The following OSBPL3 variants were observed in gnomAD, a reference collection of about 807,000 sequenced individuals.
The protein encoded by OSBPL3 is oxysterol binding protein like 3, also known as oxysterol-binding protein-related protein 3.
OSBPL3 carries 65 observed loss-of-function variants against 120.1 expected under a neutral mutation model. That is an observed-to-expected ratio of 0.54 (90% CI 0.44 to 0.67). The LOEUF (loss-of-function observed/expected upper bound fraction) is 0.67. Ranked by LOEUF, OSBPL3 falls within the 30% of genes least tolerant of loss-of-function variation. OSBPL3 has a pLI of 0.00. For synonymous variants in OSBPL3, 416 were observed against 402.6 expected, an observed-to-expected ratio of 1.03 and a Z score of -0.40; for missense variants, 1,004 against 1,082.1, an observed-to-expected ratio of 0.93 and a Z score of 1.01.
chr7:24,928,035 G>A (rs1584646952), intron 1 of OSBPL3, among the ~76,000 whole-genome samples: 1 of 151,978 alleles, frequency 6.6e-6, no homozygotes, highest in Non-Finnish European at 1.5e-5. Context: ...GTTCAAAAGT[G>A]TGTAGCACCT....
intron 2 of OSBPL3, among the ~76,000 whole-genome samples, chr7:24,874,375 A>G (rs1396100995): frequency 6.6e-6 from 1 of 152,232 alleles, no homozygotes; most frequent in African/African-American, 2.4e-5. Flanking sequence ...GAGCACTAAT[A>G]CTAAATAATC....
chr7:24,919,337 T>C (rs1354697976), intron 1 of OSBPL3, among the ~76,000 whole-genome samples: 2 of 152,094 alleles, frequency 1.3e-5, no homozygotes, highest in Non-Finnish European at 1.5e-5. Context: ...AGATTGAGAA[T>C]GTAGACATTA....
rs1812002262 is a variant in OSBPL3 at position 24,933,211 on chromosome 7, C to T, written c.-149-40590G>A. 6.6e-6 allele frequency among the ~76,000 whole-genome samples: 1 copy of T among 152,150 alleles called. No homozygotes were observed. The highest frequency in any genetic ancestry group is 1.5e-5 in the Non-Finnish European group (1 of 68,032). On this transcript the variant is annotated intron_variant, in intron 1 of 22. Transcript: ENST00000313367. This position sits in a 1 kb window ranked among gnomAD's most constrained non-coding sequence, Gnocchi z 5.1. The stretch of plus-strand genomic sequence containing the variant: ...AAGAGGACAGGGACATTCAATTACA[C>T]GTGTTCAAAGGAGAAAAGATCATGA...
At chr7:24,974,489 T>G (rs12530817) in intron 1 of OSBPL3, among the ~76,000 whole-genome samples, 35,724 of 152,162 alleles carry the variant, frequency 0.23, 5,160 homozygotes, top group Non-Finnish European at 0.34. Flanking sequence ...ATCTATCTTG[T>G]GCCAGGTTCT....
intron 1 of OSBPL3, among the ~76,000 whole-genome samples, chr7:24,945,245 A>G (rs1250596706): frequency 1.3e-5 from 2 of 152,132 alleles, no homozygotes; most frequent in African/African-American, 4.8e-5. Context: ...ATCTCCATTT[A>G]ATTCATTCAT....
intron 15 of OSBPL3, among the ~76,000 whole-genome samples, chr7:24,832,353 T>C (rs867408195): frequency 1.4e-5 from 2 of 146,792 alleles, no homozygotes; most frequent in Admixed American, 1.4e-4. Flanking sequence ...CTACTAAAAA[T>C]ACAAAAATTA....
At chr7:24,969,486 A>G (rs186199717) in intron 1 of OSBPL3, among the ~76,000 whole-genome samples, 5 of 152,354 alleles carry the variant, frequency 3.3e-5, no homozygotes, top group Non-Finnish European at 7.3e-5. Flanking sequence ...CAATAAATCA[A>G]TCTTTTATTT....
chr7:24,900,447 G>C lies in OSBPL3; in HGVS notation c.-149-7826C>G, dbSNP rs960012453. 8.5e-5 allele frequency among the ~76,000 whole-genome samples: 13 copies of C among 152,196 alleles called. No individual in the cohort carries two copies. The highest frequency in any genetic ancestry group is 2.1e-4 in the South Asian group (1 of 4,826). ...CTTCGTATATATCGTTTCACTTGAAGTCACAGTTTCCAAGAACTTATCAAT... is the reference window on the plus strand; with the variant it reads ...CTTCGTATATATCGTTTCACTTGAACTCACAGTTTCCAAGAACTTATCAAT... On this transcript the variant is annotated intron_variant, in intron 1 of 22. Coordinates refer to ENST00000313367, the MANE Select transcript of OSBPL3 (RefSeq NM_015550.4). This position sits in a 1 kb window ranked among gnomAD's most constrained non-coding sequence, Gnocchi z 4.5.
chr7:24,817,733 A>G lies in OSBPL3; in HGVS notation c.1949-1045T>C, dbSNP rs547776431. Among the ~76,000 whole-genome samples, 2 of 152,346 alleles carry G rather than the reference A, an allele frequency of 1.3e-5. No homozygotes were observed. Among genetic ancestry groups the G allele is most frequent in the South Asian group, 4.1e-4 (2 of 4,826 alleles). ...AATTGCCCAGGGGATAACAAACGGG[A>G]TGAAGGGAACCAAGACAACAGACGC... On this transcript the variant is annotated intron_variant, in intron 17 of 22. Coordinates refer to ENST00000313367, the MANE Select transcript of OSBPL3 (RefSeq NM_015550.4). This position sits in a 1 kb window ranked among gnomAD's most constrained non-coding sequence, Gnocchi z 4.0.
rs1312316260 is a variant in OSBPL3 at position 24,828,499 on chromosome 7, T to A, written c.1884+2269A>T. 2.7e-5 allele frequency among the ~76,000 whole-genome samples: 4 copies of A among 150,698 alleles called. No homozygotes were observed. The East Asian group carries it at 7.9e-4, about 30-fold the overall frequency. On this transcript the variant is annotated intron_variant, in intron 16 of 22. Coordinates refer to ENST00000313367, the MANE Select transcript of OSBPL3 (RefSeq NM_015550.4). ...GGCACAAGCCTGTAGTCCCAGCTAC[T>A]CGGGAGGCTGAGGTGCGAGGATCAC...
chr7:24,854,448 G>A lies in OSBPL3; in HGVS notation c.1028-1814C>T, dbSNP rs1482860816. Among the ~76,000 whole-genome samples the A allele has an allele frequency of 1.3e-5, 2 of 151,508 alleles. No individual in the cohort carries two copies. The highest frequency in any genetic ancestry group is 4.9e-5 in the African/African-American group (2 of 41,204). On this transcript the variant is annotated intron_variant, in intron 10 of 22. Transcript: ENST00000313367. The surrounding 1 kb of genome is among the most constrained non-coding windows in gnomAD (Gnocchi z 4.1). ...AACTTGTCTGAGGTTGTGGCATTTA[G>A]TGATGGACCTGAAACATCTTAACAA...
rs889091008 is a variant in OSBPL3 at position 24,912,820 on chromosome 7, C to T, written c.-149-20199G>A. On this transcript the variant is annotated intron_variant, in intron 1 of 22. Coordinates refer to ENST00000313367, the MANE Select transcript of OSBPL3 (RefSeq NM_015550.4). The surrounding 1 kb of genome is among the most constrained non-coding windows in gnomAD (Gnocchi z 4.5). Reference sequence around the variant, plus strand: ...AATAGATGGCTTCTATATTCCCATCCTTCAAATTTGAGTGGCTTCTAATTA... The same window carrying T: ...AATAGATGGCTTCTATATTCCCATCTTTCAAATTTGAGTGGCTTCTAATTA... 1.3e-5 allele frequency among the ~76,000 whole-genome samples: 2 copies of T among 152,178 alleles called. No homozygotes were observed. The highest frequency in any genetic ancestry group is 4.8e-5 in the African/African-American group (2 of 41,446).
At position 24,966,852 on chromosome 7, in the gene OSBPL3, T is replaced by C. The variant is rs1031815483; in HGVS notation, c.-150+13034A>G. Among the ~76,000 whole-genome samples, 1 of 152,224 alleles carries C rather than the reference T, an allele frequency of 6.6e-6. No individual in the cohort carries two copies. The highest frequency in any genetic ancestry group is 1.5e-5 in the Non-Finnish European group (1 of 68,038). ...ATCATTATTTCCCAGGCAAAATTCA[T>C]ATATAAATCACATACATACAAATTT... On this transcript the variant is annotated intron_variant, in intron 1 of 22. Transcript: ENST00000313367. The surrounding 1 kb of genome is among the most constrained non-coding windows in gnomAD (Gnocchi z 4.8).
intron 14 of OSBPL3, among the ~76,000 whole-genome samples, chr7:24,836,976 A>G (rs1419610761): frequency 1.3e-5 from 2 of 152,146 alleles, no homozygotes; most frequent in African/African-American, 2.4e-5. Context: ...CTGGGACCAC[A>G]GATGCACACC....
chr7:24,846,157 T>C (rs1584351355), intron 12 of OSBPL3, among the ~76,000 whole-genome samples: 1 of 152,244 alleles, frequency 6.6e-6, no homozygotes, highest in South Asian at 2.1e-4. Context: ...TTCTGTCCCA[T>C]TCTTACCCAT....
At position 24,953,087 on chromosome 7, in the gene OSBPL3, T is replaced by C. The variant is rs1814632054; in HGVS notation, c.-150+26799A>G. Among the ~76,000 whole-genome samples, 1 of 152,186 alleles carries C rather than the reference T, an allele frequency of 6.6e-6. No homozygotes were observed. The highest frequency in any genetic ancestry group is 2.1e-4 in the South Asian group (1 of 4,828). On this transcript the variant is annotated intron_variant, in intron 1 of 22. Coordinates refer to ENST00000313367, the MANE Select transcript of OSBPL3 (RefSeq NM_015550.4). The surrounding 1 kb of genome is among the most constrained non-coding windows in gnomAD (Gnocchi z 4.3). ...AGGATTTCAAGGTTGCAGTGAGCCA[T>C]GATCACACCACTGTGCTCCAGCCTG...
chr7:24,887,767 T>C (rs188620777), intron 2 of OSBPL3, among the ~76,000 whole-genome samples: 151 of 152,300 alleles, frequency 9.9e-4, no homozygotes, highest in African/African-American at 3.6e-3. Flanking sequence ...CACGGCAATC[T>C]TTCCCCTGAA....
At chr7:24,809,999 T>TA in intron 19 of OSBPL3, 48 bp from the exon 20 acceptor site, 7 of 1,600,902 alleles carry the variant, frequency 4.4e-6, no homozygotes, top group Non-Finnish European at 6.0e-6. Flanking sequence ...ATCAGCTTAT[T>TA]ACAGATATTA....
intron 2 of OSBPL3, among the ~76,000 whole-genome samples, chr7:24,886,091 C>G (rs891995284): frequency 6.6e-6 from 1 of 152,126 alleles, no homozygotes; most frequent in African/African-American, 2.4e-5. Flanking sequence ...TACTAAGCAA[C>G]TGCATGTTTA....
Sources: allele counts gnomAD v4.1 joint callset (sites outside exome capture counted in the v4.1 genomes callset), GRCh38; gene constraint gnomAD v4.1.1; non-coding constraint Gnocchi (gnomAD v3.1); transcripts MANE v1.5; gene names NCBI Gene and HGNC (gene_info 2026-07-23, HGNC 2026-07-21).